RANBP2: variants seen among roughly 807,000 people sequenced by gnomAD.
RANBP2 encodes the protein E3 SUMO-protein ligase RanBP2.
RANBP2 carries 57 observed loss-of-function variants against 303.6 expected under a neutral mutation model. The ratio of observed to expected loss-of-function variants is 0.19; its 90% confidence interval spans 0.15 to 0.23. The LOEUF is 0.23. RANBP2 is among the 10% of genes least tolerant of loss of function. RANBP2 has a pLI of 1.00. For synonymous variants in RANBP2, 1,167 were observed against 1,301.5 expected, an observed-to-expected ratio of 0.90 and a Z score of 2.23; for missense variants, 3,138 against 3,780.8, an observed-to-expected ratio of 0.83 and a Z score of 4.46.
the RANBP2 span, among the ~76,000 whole-genome samples, chr2:109,522,345 G>A: frequency 6.7e-6 from 1 of 150,264 alleles, no homozygotes; most frequent in Non-Finnish European, 1.5e-5. Flanking sequence ...AGGCTTGAGT[G>A]CGATGGCGCA....
the RANBP2 span, among the ~76,000 whole-genome samples, chr2:109,499,450 A>G: frequency 6.6e-6 from 1 of 152,190 alleles, no homozygotes; most frequent in African/African-American, 2.4e-5. Context: ...GCCCAGGGGC[A>G]TCTTCTCTCA....
chr2:108,969,533 T>C, the RANBP2 span, among the ~76,000 whole-genome samples: 1 of 152,250 alleles, frequency 6.6e-6, no homozygotes, highest in Non-Finnish European at 1.5e-5. Flanking sequence ...AGCAGACCTT[T>C]ATATGCTATT....
chr2:108,743,239 G>A (rs1013476839), intron 7 of RANBP2, among the ~76,000 whole-genome samples: 17 of 152,138 alleles, frequency 1.1e-4, no homozygotes, highest in Admixed American at 3.9e-4. Context: ...TGCTGGGATT[G>A]TAGGTGTGAG....
At chr2:109,501,448 A>G in the RANBP2 span, 1 of 731,016 alleles carries the variant, frequency 1.4e-6, no homozygotes, top group Admixed American at 1.9e-5. Flanking sequence ...AGAAAGCACG[A>G]CCCAGCAGAT....
At chr2:109,338,684 A>G in the RANBP2 span, among the ~76,000 whole-genome samples, 1 of 152,156 alleles carries the variant, frequency 6.6e-6, no homozygotes, top group East Asian at 1.9e-4. Flanking sequence ...CAGCCTCACA[A>G]GTAGCTGTGA....
At chr2:109,727,890 T>C in the RANBP2 span, among the ~76,000 whole-genome samples, 2 of 152,206 alleles carry the variant, frequency 1.3e-5, no homozygotes, top group Admixed American at 6.5e-5. Flanking sequence ...CAACAGTATG[T>C]CCCAGCCCAC....
chr2:109,266,619 C>T, the RANBP2 span, among the ~76,000 whole-genome samples: 2,289 of 151,998 alleles, frequency 0.015, 71 homozygotes, highest in African/African-American at 0.052. Flanking sequence ...GAGCAGGGCT[C>T]CCCTCAGGGC....
chr2:109,145,558 T>G, the RANBP2 span, among the ~76,000 whole-genome samples: 2 of 152,194 alleles, frequency 1.3e-5, no homozygotes, highest in African/African-American at 2.4e-5. Flanking sequence ...CCTCCACCCC[T>G]AGGCTGTCCG....
At chr2:108,901,859 T>C in the RANBP2 span, among the ~76,000 whole-genome samples, 1 of 152,214 alleles carries the variant, frequency 6.6e-6, no homozygotes, top group Non-Finnish European at 1.5e-5. Flanking sequence ...ATCCCAGCAC[T>C]TTGGGAGGCC....
the RANBP2 span, among the ~76,000 whole-genome samples, chr2:109,442,622 CATTCTT>C: frequency 1.3e-5 from 2 of 152,098 alleles, no homozygotes; most frequent in East Asian, 1.9e-4. Flanking sequence ...ACTACTGTAA[CATTCTT>C]ATACTATGAA....
chr2:109,270,737 C>T, the RANBP2 span, among the ~76,000 whole-genome samples: 1 of 152,200 alleles, frequency 6.6e-6, no homozygotes, highest in Non-Finnish European at 1.5e-5. Flanking sequence ...ACTGTTACTC[C>T]TCTTATGTAG....
At chr2:109,614,435 G>A in the RANBP2 span, 2 of 1,166,546 alleles carry the variant, frequency 1.7e-6, no homozygotes, top group Non-Finnish European at 2.1e-6. Context: ...CTGGGAGCCC[G>A]TCGCTATGGG....
At chr2:109,407,083 C>T in the RANBP2 span, among the ~76,000 whole-genome samples, 1 of 152,294 alleles carries the variant, frequency 6.6e-6, no homozygotes, top group Non-Finnish European at 1.5e-5. Flanking sequence ...CTAATACTGC[C>T]CATGAGTGTC....
the RANBP2 span, among the ~76,000 whole-genome samples, chr2:109,520,503 G>A: frequency 6.8e-6 from 1 of 147,346 alleles, no homozygotes; most frequent in Non-Finnish European, 1.5e-5. Context: ...AGAAGGTTGA[G>A]GCAGAAGAAT....
the RANBP2 span, among the ~76,000 whole-genome samples, chr2:109,006,942 A>T: frequency 6.6e-6 from 1 of 152,244 alleles, no homozygotes; most frequent in Non-Finnish European, 1.5e-5. Context: ...TACTTTGGAA[A>T]ACTTGGCTAG....
At chr2:108,749,983 C>G (rs1675731596) in intron 9 of RANBP2, among the ~76,000 whole-genome samples, 1 of 152,172 alleles carries the variant, frequency 6.6e-6, no homozygotes, top group Non-Finnish European at 1.5e-5. Context: ...AACCCCGTCT[C>G]TACTAAAAAT....
chr2:108,742,446 G>T (rs1486704097), intron 7 of RANBP2, among the ~76,000 whole-genome samples: 2 of 152,018 alleles, frequency 1.3e-5, no homozygotes, highest in East Asian at 3.9e-4. Context: ...TGGGATTACA[G>T]GCACACACCA....
chr2:109,497,657 T>C, the RANBP2 span, among the ~76,000 whole-genome samples: 1 of 152,194 alleles, frequency 6.6e-6, no homozygotes, highest in African/African-American at 2.4e-5. Context: ...TCAATTACTT[T>C]CCTGCAGCAG....
the RANBP2 span, among the ~76,000 whole-genome samples, chr2:109,175,963 G>A: frequency 5.9e-5 from 9 of 152,264 alleles, no homozygotes; most frequent in African/African-American, 2.2e-4. Context: ...CACTTGTGCT[G>A]AAGCAGATCA....
Sources: gnomAD v4.1 joint callset for allele counts (sites outside exome capture counted in the v4.1 genomes callset) on GRCh38, gnomAD v4.1.1 for gene constraint, MANE v1.5 for transcripts, NCBI Gene and HGNC (gene_info 2026-07-23, HGNC 2026-07-21) for gene names.